MTSS2: variants seen among roughly 807,000 people sequenced by gnomAD.
MTSS2 encodes the protein protein MTSS 2.
MTSS2 carries 27 observed loss-of-function variants against 67.1 expected under a neutral mutation model. The ratio of observed to expected loss-of-function variants is 0.40; its 90% CI spans 0.30 to 0.55. The LOEUF (loss-of-function observed/expected upper bound fraction) is 0.55, where lower values mean the gene tolerates loss of function less well. MTSS2 is among the 20% of genes least tolerant of loss of function. The pLI, the probability that MTSS2 is intolerant of heterozygous loss-of-function variation, is 0.43. For missense variants in MTSS2, 1,171 were observed against 1,067.8 expected, an observed-to-expected ratio of 1.10 and a Z score of -1.35; for synonymous variants, 624 against 468.6, an observed-to-expected ratio of 1.33 and a Z score of -4.28.
At chr16:70,678,159 A>G (rs1319928843) in intron 8 of MTSS2, 93 bp downstream of exon 8, 2 of 1,458,562 alleles carry the variant, frequency 1.4e-6, no homozygotes, top group Non-Finnish European at 1.8e-6. Flanking sequence ...GCCCCCAGCC[A>G]GGGACTGCTG....
chr16:70,678,819 G>A (rs2053204996), intron 7 of MTSS2, among the ~76,000 whole-genome samples: 1 of 152,232 alleles, frequency 6.6e-6, no homozygotes, highest in Admixed American at 6.5e-5. Context: ...GGGCTCAGCT[G>A]TAGGCCAGGC....
rs753688777 is a variant in MTSS2, at chr16:70,663,910, G to T, written c.2011C>A (p.Arg671=). ...CCCAGCTTCTCCACCAGGCTGTGCC[G>T]GTTGGCCGCCAGCTGCTGCTGCTCG... ...EDEQQQLAAN[R]HSLVEKLGEL... The change falls in exon 15 of 15, where the codon CGG becomes AGG. Residue 671 remains arginine, a synonymous_variant. Transcript: ENST00000338779. The T allele has an allele frequency of 6.5e-7, 1 of 1,549,794 alleles. No homozygotes were observed. Among genetic ancestry groups the T allele is most frequent in the Non-Finnish European group, 8.7e-7 (1 of 1,149,524 alleles).
rs2053134384 is a variant in MTSS2 at position 70,676,909 on chromosome 16, A to G, written c.802T>C (p.Ser268Pro). ...YQTPPSSPSS[S>P]SSRKSSMCSA... ...CACATGCTGGACTTCCGGGAGCTGG[A>G]GCTGCTGGGTGATGAGGGTGGGGTC... Residue 268 changes from serine to proline, a missense_variant, in exon 10 of 15, where the codon TCC becomes CCC. Ser to Pro is a moderately conservative substitution (Grantham distance 74). This residue lies in a region of MTSS2 where 924 missense variants were observed against 756.0 expected (regional missense o/e 1.22). Transcript: ENST00000338779. The G allele has an allele frequency of 6.2e-7, 1 of 1,613,490 alleles. No individual in the cohort carries two copies. The highest frequency in any genetic ancestry group is 1.7e-5 in the Admixed American group (1 of 59,994).
Position 70,679,779 on chromosome 16 carries a change from C to T in MTSS2, c.382+7G>A, listed in dbSNP as rs374411179. ...GGGTGGGAAGCCCGGCTCCGCGCCA[C>T]CCTCACCTTTCGCGTGGTCCTTGTC... On this transcript the variant is annotated splice_region_variant and intron_variant, in intron 5 of 14. Coordinates refer to ENST00000338779, the MANE Select transcript of MTSS2 (RefSeq NM_138383.3). The T allele has an allele frequency of 7.1e-5, 114 of 1,611,526 alleles. No individual in the cohort carries two copies. The highest frequency in any genetic ancestry group is 4.9e-4 in the Middle Eastern group (3 of 6,080).
chr16:70,669,645 G>A (rs113570165), intron 11 of MTSS2, among the ~76,000 whole-genome samples: 2,447 of 151,384 alleles, frequency 0.016, 28 homozygotes, highest in Middle Eastern at 0.049. Context: ...GTGAAACCCC[G>A]TCTCTACTAA....
intron 10 of MTSS2, 77 bp downstream of exon 10, chr16:70,676,804 G>T: frequency 7.9e-7 from 1 of 1,273,326 alleles, no homozygotes; most frequent in Non-Finnish European, 1.1e-6. Flanking sequence ...AATTTCTGAT[G>T]CAATTTTGCT....
At chr16:70,674,661 A>C in intron 10 of MTSS2, 133 bp from the exon 11 acceptor site, 2 of 770,434 alleles carry the variant, frequency 2.6e-6, no homozygotes, top group Non-Finnish European at 4.2e-6. Flanking sequence ...TCAGACTAGG[A>C]GGTCCTGAGA....
chr16:70,682,014 G>A (rs757073011), intron 1 of MTSS2, among the ~76,000 whole-genome samples: 2 of 152,194 alleles, frequency 1.3e-5, no homozygotes, highest in Non-Finnish European at 2.9e-5. Context: ...AAAGGGGAAT[G>A]CGGAGACCCT....
At chr16:70,681,095 C>G (rs2053292846) in intron 1 of MTSS2, 70 bp from the exon 2 acceptor site, 1 of 1,428,554 alleles carries the variant, frequency 7.0e-7, no homozygotes, top group Non-Finnish European at 9.5e-7. Context: ...GGGCCGGGCT[C>G]CCTGCATGCT....
chr16:70,672,341 C>CAAAA (rs11297993), intron 11 of MTSS2, among the ~76,000 whole-genome samples: 8 of 80,856 alleles, frequency 9.9e-5, no homozygotes, highest in East Asian at 7.3e-4. Flanking sequence ...GAGCAAAATT[C>CAAAA]AAAAAAAAAA....
intron 11 of MTSS2, among the ~76,000 whole-genome samples, chr16:70,668,838 G>A (rs886783768): frequency 7.2e-5 from 11 of 152,174 alleles, no homozygotes; most frequent in African/African-American, 2.4e-4. Context: ...CTTGATCCTG[G>A]CCTTCCAGCC....
Position 70,679,339 on chromosome 16 carries a change from G to GGGA in MTSS2, c.458-19_458-17dup. 6.2e-7 allele frequency: 1 copy of GGGA among 1,613,784 alleles called. No homozygotes were observed. On this transcript the variant is annotated splice_polypyrimidine_tract_variant and intron_variant, in intron 6 of 14. Coordinates refer to ENST00000338779, the MANE Select transcript of MTSS2 (RefSeq NM_138383.3). ...CCAAGTAGCTCTACAGGAAGGATGT[G>GGGA]GGAGGAGAGGAGGAGAGACAGAGAA...
At chr16:70,670,552 T>G (rs12921898) in intron 11 of MTSS2, among the ~76,000 whole-genome samples, 70,222 of 152,082 alleles carry the variant, frequency 0.46, 16,677 homozygotes, top group Non-Finnish European at 0.52. Flanking sequence ...TAGAATGCCA[T>G]ATAGCAATGA....
chr16:70,680,700 T>TCCC, intron 3 of MTSS2, 94 bp downstream of exon 3: 1 of 1,136,370 alleles, frequency 8.8e-7, no homozygotes, highest in Non-Finnish European at 1.3e-6. Flanking sequence ...GGGCTTGGCG[T>TCCC]CCCGTCCTTT....
intron 11 of MTSS2, among the ~76,000 whole-genome samples, chr16:70,667,148 G>A (rs2052744240): frequency 6.6e-6 from 1 of 151,980 alleles, no homozygotes; most frequent in African/African-American, 2.4e-5. Flanking sequence ...GCACATGCCT[G>A]TGGTCCCAGC....
intron 12 of MTSS2, 29 bp from the exon 13 acceptor site, chr16:70,665,125 G>T (rs755285799): frequency 3.2e-6 from 5 of 1,574,760 alleles, no homozygotes; most frequent in East Asian, 2.2e-5. Flanking sequence ...AGGTCAGGGG[G>T]ACCACTGGCC....
intron 1 of MTSS2, among the ~76,000 whole-genome samples, chr16:70,681,800 C>T (rs915580462): frequency 6.6e-6 from 1 of 152,258 alleles, no homozygotes; most frequent in Non-Finnish European, 1.5e-5. Context: ...TCCTGGCCAC[C>T]GAGTTGTCCA....
rs547760925 is a variant in MTSS2, at chr16:70,667,142, A to G, written c.1054-1602T>C. ...TAAAGTTAGCCAGGTGTGGTGGCAC[A>G]TGCCTGTGGTCCCAGCTACACAGGA... On this transcript the variant is annotated intron_variant, in intron 11 of 14. Transcript: ENST00000338779. 3.3e-5 allele frequency among the ~76,000 whole-genome samples: 5 copies of G among 152,178 alleles called. No individual in the cohort carries two copies. The South Asian group carries it at 8.3e-4, about 25-fold the overall frequency.
chr16:70,683,525 C>T (rs970699490), intron 1 of MTSS2, among the ~76,000 whole-genome samples: 4 of 152,236 alleles, frequency 2.6e-5, no homozygotes, highest in Admixed American at 2.6e-4. Flanking sequence ...TGGGCCAGCA[C>T]TGGGTGGAGG....
Sources: allele counts gnomAD v4.1 joint callset (sites outside exome capture counted in the v4.1 genomes callset), GRCh38; gene constraint gnomAD v4.1.1; regional missense constraint gnomAD v4.1.1; transcripts MANE v1.5; gene names NCBI Gene and HGNC (gene_info 2026-07-23, HGNC 2026-07-21).